DALRD3: variants seen among roughly 807,000 people sequenced by gnomAD.
DALRD3 encodes DALR anticodon binding domain containing 3.
Under a neutral mutation model 56.7 loss-of-function variants are expected in DALRD3, and 47 were observed. The observed-to-expected ratio is 0.83, with a 90% confidence interval of 0.66 to 1.06. The LOEUF (loss-of-function observed/expected upper bound fraction) is 1.06. DALRD3 is among the 50% of genes least tolerant of loss of function. DALRD3 has a pLI of 0.00. For missense variants in DALRD3, 787 were observed against 724.0 expected, an observed-to-expected ratio of 1.09 and a Z score of -1.00; for synonymous variants, 347 against 308.5, an observed-to-expected ratio of 1.12 and a Z score of -1.31.
chr3:49,017,044 T>C (rs2093090492), intron 5 of DALRD3, 184 bp downstream of exon 5: 2 of 957,946 alleles, frequency 2.1e-6, no homozygotes, highest in South Asian at 3.1e-5. Flanking sequence ...GTTCTTGGGA[T>C]GTGTCTACAG....
In DALRD3 at chr3:49,015,532, T is replaced by A. The variant is rs1169546432; in HGVS notation, c.*56A>T. The A allele has an allele frequency of 1.3e-6, 2 of 1,598,290 alleles. No homozygotes were observed. The highest frequency in any genetic ancestry group is 2.7e-5 in the African/African-American group (2 of 74,268). ...ATTTATTTTGGCCGTGGGTTTTTGCTTTTTTTCCAGTTGATGACTTTGTGA... is the reference window on the plus strand; with the variant it reads ...ATTTATTTTGGCCGTGGGTTTTTGCATTTTTTCCAGTTGATGACTTTGTGA... On this transcript the variant is annotated 3_prime_UTR_variant, in exon 12 of 12. Transcript: ENST00000341949.
chr3:49,020,035 A>G, upstream of DALRD3: 2 of 478,080 alleles, frequency 4.2e-6, no homozygotes, highest in Admixed American at 2.2e-5. Flanking sequence ...TTAATAGAGA[A>G]GCTAACTCAG....
chr3:49,019,144 G>A (rs569965619), upstream of DALRD3: 4 of 484,844 alleles, frequency 8.3e-6, no homozygotes, highest in South Asian at 2.7e-4. Context: ...CACGATCTCG[G>A]CTCACTGCAG....
In DALRD3 at chr3:49,018,145, C is replaced by G; in HGVS notation, c.339G>C (p.Ser113=). The change falls in exon 2 of 12, where the codon TCG becomes TCC. Residue 113 remains serine (S), a synonymous_variant. Coordinates refer to ENST00000341949, the MANE Select transcript of DALRD3 (RefSeq NM_001009996.3). ...AGTGTAGTAAGACGCGCTGGCCCAG[C>G]GAGGCAGGCGAGGCGGGCGTGGCAT... The part of the protein sequence containing the change: ...AAYATPASPA[S]LGQRVLLHCP... 1 of 1,456,938 alleles carries G rather than the reference C, an allele frequency of 6.9e-7. No individual in the cohort carries two copies. The highest frequency in any genetic ancestry group is 1.5e-5 in the South Asian group (1 of 68,636). The allele number at this position is 1,456,938 out of a possible 1,614,324, so 90.3% of individuals were successfully genotyped here. A position where few individuals can be genotyped will look rare whatever the true frequency, so the allele number is the denominator to read the frequency against.
In DALRD3 at chr3:49,016,201, A is replaced by G; in HGVS notation, c.1286T>C (p.Phe429Ser). Residue 429 changes from phenylalanine (F) to serine (S), a missense_variant, in exon 9 of 12, where the codon TTT (phenylalanine) becomes TCT (serine). Coordinates refer to ENST00000341949, the MANE Select transcript of DALRD3 (RefSeq NM_001009996.3). ...CSMEQGLYPT[F>S]PPVSSLDFSL... ...GAAGTCCAGACTGCTCACAGGAGGA[A>G]AAGTGGGGTACAGACCTTGTTCCAT... The G allele has an allele frequency of 1.2e-6, 2 of 1,614,144 alleles. No individual in the cohort carries two copies. Among genetic ancestry groups the G allele is most frequent in the Non-Finnish European group, 1.7e-6 (2 of 1,180,018 alleles).
In DALRD3 at chr3:49,017,369, A is replaced by G. The variant is rs373926581; in HGVS notation, c.799-13T>C. ...CTGAGGCCCCAGCCTAAGGGAGGAC[A>G]ATCATAACTGTGGAAGTACAGTATA... On this transcript the variant is annotated splice_polypyrimidine_tract_variant and intron_variant, in intron 4 of 11. Coordinates refer to ENST00000341949, the MANE Select transcript of DALRD3 (RefSeq NM_001009996.3). 79 of 1,614,114 alleles carry G rather than the reference A, an allele frequency of 4.9e-5. No homozygotes were observed. The highest frequency in any genetic ancestry group is 1.8e-5 in the Non-Finnish European group (21 of 1,180,058).
chr3:49,020,533 G>A, upstream of DALRD3: 1 of 439,330 alleles, frequency 2.3e-6, no homozygotes, highest in South Asian at 1.6e-5. Flanking sequence ...GCCTGAGGGC[G>A]CAACTGAGAG....
Position 49,016,520 on chromosome 3 carries a change from G to A in DALRD3, c.1064-9C>T. ...CTCTGTCCAGGCTGGGTCTGAGGGA[G>A]TATAGGGTTGGTCAGTCAGTCTGCA... On this transcript the variant is annotated splice_polypyrimidine_tract_variant and intron_variant, in intron 7 of 11. Coordinates refer to ENST00000341949, the MANE Select transcript of DALRD3 (RefSeq NM_001009996.3). The A allele has an allele frequency of 1.2e-6, 2 of 1,612,510 alleles. No individual in the cohort carries two copies. Among genetic ancestry groups the A allele is most frequent in the African/African-American group, 1.3e-5 (1 of 74,928 alleles).
At position 49,018,160 on chromosome 3, in the gene DALRD3, G is replaced by T. The variant is rs563509705; in HGVS notation, c.324C>A (p.Pro108=). 6 of 1,456,568 alleles carry T rather than the reference G, an allele frequency of 4.1e-6. No homozygotes were observed. In the South Asian group the frequency reaches 5.8e-5, roughly 14 times the overall value. The allele number at this position is 1,456,568 out of a possible 1,614,324, so 90.2% of individuals were successfully genotyped here. Residue 108 remains proline (P), a synonymous_variant, in exon 2 of 12, where the codon CCC becomes CCA. Coordinates refer to ENST00000341949, the MANE Select transcript of DALRD3 (RefSeq NM_001009996.3). ...GCTGGCCCAGCGAGGCAGGCGAGGC[G>T]GGCGTGGCATAGGCGGCCACGGCGC... ...VLSAVAAYAT[P]ASPASLGQRV... is the part of the protein sequence containing the mutation.
upstream of DALRD3, chr3:49,020,614 G>A (rs1261483902): frequency 2.1e-6 from 1 of 484,668 alleles, no homozygotes; most frequent in Non-Finnish European, 4.3e-6. Context: ...CCAGGGCGCT[G>A]CTCAGGCAGG....
upstream of DALRD3, chr3:49,018,625 G>A: frequency 6.8e-7 from 1 of 1,475,640 alleles, no homozygotes; most frequent in African/African-American, 1.5e-5. Context: ...CTTCCGGAAA[G>A]GACCGACTAG....
chr3:49,016,304 T>C lies in DALRD3; in HGVS notation c.1183A>G (p.Lys395Glu), dbSNP rs2093068874. The C allele has an allele frequency of 1.2e-6, 2 of 1,611,280 alleles. No individual in the cohort carries two copies. The highest frequency in any genetic ancestry group is 1.7e-6 in the Non-Finnish European group (2 of 1,177,830). Residue 395 changes from lysine (K) to glutamate (E), a missense_variant, in exon 9 of 12, where the codon AAG becomes GAG. Lys to Glu is a moderately conservative substitution (Grantham distance 56). Transcript: ENST00000341949. ...ACAAAGGTGCCACTCTTTGTGCCCT[T>C]CGTGGAGATACTGCTGTCAGCCAGA... ...LALADSSIST[K>E]GTKSGTFVMY...
chr3:49,017,803 C>A lies in DALRD3; in HGVS notation c.528G>T (p.Arg176=). ...TCTCCGAGGCAGCGGGCCAGTCCAC[C>A]CGCAGTTGCTGCAGGAAGGTCAGCA... is the stretch of plus-strand genomic sequence containing the variant. ...PHMLTFLQQL[R]VDWPAASERA... is the part of the protein sequence containing the mutation. The change falls in exon 3 of 12, where the codon CGG becomes CGT. Residue 176 remains arginine, a synonymous_variant. Transcript: ENST00000341949. 3 of 1,612,990 alleles carry A rather than the reference C, an allele frequency of 1.9e-6. No individual in the cohort carries two copies. Among genetic ancestry groups the A allele is most frequent in the Non-Finnish European group, 1.7e-6 (2 of 1,179,996 alleles).
chr3:49,018,686 G>C, upstream of DALRD3: 1 of 1,416,576 alleles, frequency 7.1e-7, no homozygotes, highest in Admixed American at 3.0e-5. Context: ...GTGCGCCAGT[G>C]GTAGCCCTGT....
In DALRD3 at chr3:49,015,492, TAACA is replaced by T. The variant is rs1291927697; in HGVS notation, c.*92_*95del. 14 of 1,567,380 alleles carry T rather than the reference TAACA, an allele frequency of 8.9e-6. No individual in the cohort carries two copies. The highest frequency in any genetic ancestry group is 1.2e-5 in the Non-Finnish European group (14 of 1,146,718). On this transcript the variant is annotated 3_prime_UTR_variant, in exon 12 of 12. Coordinates refer to ENST00000341949, the MANE Select transcript of DALRD3 (RefSeq NM_001009996.3). ...CTCCCCATGACAAGACAGAACTTTG[TAACA>T]AACAGTACCAATTTATTTTGGCCGT... is the stretch of plus-strand genomic sequence containing the variant.
chr3:49,019,028 C>T (rs2093127983), upstream of DALRD3: 7 of 985,240 alleles, frequency 7.1e-6, no homozygotes, highest in South Asian at 1.4e-4. Flanking sequence ...AATAGTGTTC[C>T]GCGGTTTCAG....
Position 49,018,492 on chromosome 3 carries a change from C to G in DALRD3, c.73G>C (p.Val25Leu), listed in dbSNP as rs1236525176. Residue 25 changes from valine (V) to leucine (L), a missense_variant, in exon 1 of 12, where the codon GTG (valine) becomes CTG (leucine). Transcript: ENST00000341949. ...CGGGTGCGCGTCTCCTTGATCCACA[C>G]CGGACCGCCTGGCCCCAGGGCCGCG... Reference protein sequence around the residue: ...LNAALGPGGPVWIKETRTRHL... With the variant: ...LNAALGPGGPLWIKETRTRHL... 2 of 1,587,212 alleles carry G rather than the reference C, an allele frequency of 1.3e-6. No homozygotes were observed. The highest frequency in any genetic ancestry group is 1.3e-5 in the African/African-American group (1 of 74,450).
Position 49,015,611 on chromosome 3 carries a change from G to C in DALRD3, c.1609C>G (p.Leu537Val), listed in dbSNP as rs2093052339. 6.2e-7 allele frequency: 1 copy of C among 1,614,046 alleles called. No homozygotes were observed. Among genetic ancestry groups the C allele is most frequent in the African/African-American group, 1.3e-5 (1 of 74,910 alleles). The change falls in exon 12 of 12, where the codon CTC becomes GTC. Residue 537 changes from leucine (L) to valine (V), a missense_variant. Coordinates refer to ENST00000341949, the MANE Select transcript of DALRD3 (RefSeq NM_001009996.3). ...VLHTGLAMLG[L>V]PPLSHI ...CCTTAAATGTGGCTCAGTGGAGGGA[G>C]ACCCAGCATAGCCAGGCCAGTATGG...
Position 49,016,940 on chromosome 3 carries a change from G to A in DALRD3, c.928-93C>T, listed in dbSNP as rs1042153715. On this transcript the variant is annotated intron_variant, in intron 5 of 11. Coordinates refer to ENST00000341949, the MANE Select transcript of DALRD3 (RefSeq NM_001009996.3). ...AAATCTGGTGCCTCTACTCAGCCCA[G>A]ACTCCCTCAAATTGGAACTGCCAGG... 2.1e-6 allele frequency: 3 copies of A among 1,446,818 alleles called. No individual in the cohort carries two copies. In the Admixed American group the frequency reaches 5.3e-5, roughly 25 times the overall value. The allele number at this position is 1,446,818 out of a possible 1,614,324, so 89.6% of individuals were successfully genotyped here.
Sources: allele counts gnomAD v4.1 joint callset, GRCh38; gene constraint gnomAD v4.1.1; transcripts MANE v1.5; gene names NCBI Gene and HGNC (gene_info 2026-07-23, HGNC 2026-07-21).